The following PPP1R42 variants were observed in gnomAD, a reference collection of about 807,000 sequenced individuals.
PPP1R42 encodes protein phosphatase 1 regulatory subunit 42.
A neutral mutation model predicts 31.0 loss-of-function variants in PPP1R42; 34 were observed. The observed-to-expected ratio is 1.10, with a 90% CI of 0.83 to 1.46. PPP1R42 has a LOEUF of 1.46. Among genes scored for constraint, PPP1R42 ranks in the 40% most tolerant of loss-of-function variants. The pLI, the probability that PPP1R42 is intolerant of heterozygous loss-of-function variation, is 0.00. For missense variants in PPP1R42, 268 were observed against 303.0 expected, an observed-to-expected ratio of 0.88 and a Z score of 0.86; for synonymous variants, 103 against 109.8, an observed-to-expected ratio of 0.94 and a Z score of 0.39.
At chr8:67,009,656 CTAAT>C (rs1815786775) in intron 5 of PPP1R42, among the ~76,000 whole-genome samples, 1 of 152,192 alleles carries the variant, frequency 6.6e-6, no homozygotes, top group Non-Finnish European at 1.5e-5. Flanking sequence ...GTTGAAACAA[CTAAT>C]TGAGTTGTGC....
intron 5 of PPP1R42, among the ~76,000 whole-genome samples, chr8:67,010,095 A>G (rs1399702068): frequency 6.6e-6 from 1 of 152,252 alleles, no homozygotes. Context: ...AAACAGTATC[A>G]TATTGTAGTC....
At chr8:66,986,913 C>T (rs1338297017) in intron 6 of PPP1R42, among the ~76,000 whole-genome samples, 1 of 152,094 alleles carries the variant, frequency 6.6e-6, no homozygotes, top group Non-Finnish European at 1.5e-5. Context: ...TTTGTAATCC[C>T]AGCACTTTGG....
At chr8:66,966,370 A>C (rs943346766) in intron 7 of PPP1R42, among the ~76,000 whole-genome samples, 1 of 152,220 alleles carries the variant, frequency 6.6e-6, no homozygotes, top group Admixed American at 6.5e-5. Flanking sequence ...TTCAAGTCCT[A>C]GCCCTGCTCA....
chr8:66,985,471 G>C, intron 6 of PPP1R42: 1 of 943,928 alleles, frequency 1.1e-6, no homozygotes, highest in Non-Finnish European at 1.7e-6. Flanking sequence ...CAGTGGTGTA[G>C]GTTTAATTTG....
intron 7 of PPP1R42, among the ~76,000 whole-genome samples, chr8:66,974,663 G>T (rs573462068): frequency 6.6e-6 from 1 of 152,242 alleles, no homozygotes; most frequent in East Asian, 1.9e-4. Context: ...TCATATACCT[G>T]TTGGCCATTT....
At chr8:67,004,089 CAAA>C (rs773648040) in intron 5 of PPP1R42, among the ~76,000 whole-genome samples, 7 of 102,610 alleles carry the variant, frequency 6.8e-5, no homozygotes, top group Admixed American at 2.2e-4. Flanking sequence ...GACTCCGTCT[CAAA>C]AAAAAAAAAA....
At chr8:66,977,210 AT>A (rs1197322506) in intron 7 of PPP1R42, among the ~76,000 whole-genome samples, 1 of 150,274 alleles carries the variant, frequency 6.7e-6, no homozygotes, top group Non-Finnish European at 1.5e-5. Context: ...TTTTTTTTGT[AT>A]TTTTAGTAGA....
intron 1 of PPP1R42, among the ~76,000 whole-genome samples, chr8:67,027,202 T>C (rs1816432348): frequency 6.6e-6 from 1 of 152,100 alleles, no homozygotes; most frequent in Non-Finnish European, 1.5e-5. Flanking sequence ...TGCCCAGCAA[T>C]TTTTCAAGTG....
Position 67,028,484 on chromosome 8 carries a change from A to G in PPP1R42, c.-85+7T>C. On this transcript the variant is annotated splice_region_variant and intron_variant, in intron 1 of 7. Transcript: ENST00000685739. ...GTCCCCACGCTTATTCCCCGCGGGC[A>G]GCTCACCGCTCGCGGGACAGTCCGG... The G allele has an allele frequency of 1.0e-6, 1 of 985,460 alleles. No homozygotes were observed. The allele number at this position is 985,460 out of a possible 1,614,324, so 61.0% of individuals were successfully genotyped here.
At chr8:66,981,905 A>G in intron 7 of PPP1R42, 144 bp downstream of exon 7, 1 of 810,244 alleles carries the variant, frequency 1.2e-6, no homozygotes, top group South Asian at 4.8e-5. Flanking sequence ...ATGTACAACT[A>G]AGTAAATAAG....
intron 5 of PPP1R42, among the ~76,000 whole-genome samples, chr8:66,992,932 C>T (rs1033458512): frequency 1.2e-4 from 19 of 152,168 alleles, no homozygotes; most frequent in Non-Finnish European, 5.9e-5. Flanking sequence ...CCACTTAATA[C>T]GCTGAAGATT....
At chr8:67,013,137 AT>A (rs776748888) in intron 3 of PPP1R42, 41 bp from the exon 4 acceptor site, 14 of 1,519,622 alleles carry the variant, frequency 9.2e-6, no homozygotes. Context: ...CATTCTGAGA[AT>A]GTCATGGTCT....
intron 7 of PPP1R42, among the ~76,000 whole-genome samples, chr8:66,971,959 A>C (rs1391089834): frequency 6.6e-6 from 1 of 152,214 alleles, no homozygotes; most frequent in Non-Finnish European, 1.5e-5. Flanking sequence ...GTTCCCTTAC[A>C]ATGTATTTGG....
rs748077020 is a variant in PPP1R42, at chr8:67,013,015, C to CT, written c.377dup (p.Arg127GlufsTer11). 1.5e-5 allele frequency: 24 copies of CT among 1,612,482 alleles called. No homozygotes were observed. Among genetic ancestry groups the CT allele is most frequent in the Non-Finnish European group, 2.0e-5 (24 of 1,179,410 alleles). ...GAAGCTTTTCCCCAAGGGGAAGCCT[C>CT]TGATTCTCAACATGAAGCTCTCTTA... On this transcript the variant is annotated frameshift_variant, in exon 4 of 8. Coordinates refer to ENST00000685739, the MANE Select transcript of PPP1R42 (RefSeq NM_001364910.1). LOFTEE classifies it high-confidence loss of function.
intron 5 of PPP1R42, among the ~76,000 whole-genome samples, chr8:67,006,723 G>A (rs1815690453): frequency 7.1e-6 from 1 of 141,204 alleles, no homozygotes; most frequent in South Asian, 2.3e-4. Flanking sequence ...TAAAGTAAAC[G>A]CCTTGAGGGT....
At position 66,984,016 on chromosome 8, in the gene PPP1R42, A is replaced by T. The variant is rs1814926312; in HGVS notation, c.671-1836T>A. 3 of 1,053,372 alleles carry T rather than the reference A, an allele frequency of 2.8e-6. No individual in the cohort carries two copies. In the East Asian group the frequency reaches 7.4e-5, roughly 26 times the overall value. The allele number at this position is 1,053,372 out of a possible 1,614,324, so 65.3% of individuals were successfully genotyped here. ...GAGCAAGATATTCTCCCTTTGTCCC[A>T]ATGTCTGCTTGGCACAGTTCTGAGA... is the stretch of plus-strand genomic sequence containing the variant. On this transcript the variant is annotated intron_variant, in intron 6 of 7. Transcript: ENST00000685739.
chr8:66,990,356 C>G (rs962676129), intron 5 of PPP1R42, among the ~76,000 whole-genome samples: 1 of 152,060 alleles, frequency 6.6e-6, no homozygotes, highest in African/African-American at 2.4e-5. Context: ...GATAAATGAC[C>G]TTCGACATAC....
chr8:66,964,665 TCATA>T (rs1814332858), intron 7 of PPP1R42, among the ~76,000 whole-genome samples: 1 of 152,182 alleles, frequency 6.6e-6, no homozygotes, highest in Non-Finnish European at 1.5e-5. Flanking sequence ...TGCAAAATAA[TCATA>T]CATATCAATT....
intron 7 of PPP1R42, among the ~76,000 whole-genome samples, chr8:66,976,618 T>C (rs1402704593): frequency 6.6e-6 from 1 of 152,196 alleles, no homozygotes; most frequent in Non-Finnish European, 1.5e-5. Flanking sequence ...TTGGTTTTTT[T>C]TTTTTTTTTA....
Sources: allele counts gnomAD v4.1 joint callset (sites outside exome capture counted in the v4.1 genomes callset), GRCh38; gene constraint gnomAD v4.1.1; transcripts MANE v1.5; gene names NCBI Gene and HGNC (gene_info 2026-07-23, HGNC 2026-07-21).